RAB28: variants seen among roughly 807,000 people sequenced by gnomAD.
RAB28 encodes the protein RAB28, member RAS oncogene family, also known as ras-related protein Rab-28.
RAB28 carries 24 observed loss-of-function variants against 31.7 expected under a neutral mutation model. That is an observed-to-expected ratio of 0.76 (90% CI 0.55 to 1.06). The LOEUF (loss-of-function observed/expected upper bound fraction) is 1.06. Among genes scored for constraint, RAB28 ranks in the 50% least tolerant of loss-of-function variants. RAB28 has a pLI of 0.00. For synonymous variants in RAB28, 100 were observed against 90.4 expected, an observed-to-expected ratio of 1.11 and a Z score of -0.60; for missense variants, 254 against 258.5, an observed-to-expected ratio of 0.98 and a Z score of 0.12.
At chr4:13,445,378 T>C (rs578184907) in intron 4 of RAB28, among the ~76,000 whole-genome samples, 1 of 152,154 alleles carries the variant, frequency 6.6e-6, no homozygotes, top group East Asian at 1.9e-4. Context: ...AGTTCATCCG[T>C]CTCAGCTTTA....
chr4:13,388,621 C>A (rs1272010490), intron 4 of RAB28, among the ~76,000 whole-genome samples: 1 of 151,984 alleles, frequency 6.6e-6, no homozygotes, highest in African/African-American at 2.4e-5. Context: ...AATCATATAT[C>A]TGACAAAATG....
intron 4 of RAB28, among the ~76,000 whole-genome samples, chr4:13,450,666 G>T (rs141891248): frequency 3.9e-5 from 6 of 151,928 alleles, no homozygotes; most frequent in African/African-American, 9.6e-5. Flanking sequence ...ATGACAATAA[G>T]AATATGCAGA....
At chr4:13,371,473 C>A (rs1728710105) in intron 6 of RAB28, 2 of 985,294 alleles carry the variant, frequency 2.0e-6, no homozygotes, top group Non-Finnish European at 2.4e-6. Context: ...AGATTACTGT[C>A]CTGTGCTCAA....
chr4:13,433,138 G>GAAAAAAAAAAAAAAAAAAAAAAAAAA (rs1159582203), intron 4 of RAB28, among the ~76,000 whole-genome samples: 1 of 69,496 alleles, frequency 1.4e-5, no homozygotes. Context: ...GCAAATGAAA[G>GAAAAAAAAAAAAAAAAAAAAAAAAAA]AAAAAAAAAA....
intron 4 of RAB28, among the ~76,000 whole-genome samples, chr4:13,424,011 G>C (rs2108924475): frequency 6.6e-6 from 1 of 152,166 alleles, no homozygotes; most frequent in Non-Finnish European, 1.5e-5. Flanking sequence ...TATAACAAAT[G>C]CTCTGTCCGT....
intron 4 of RAB28, among the ~76,000 whole-genome samples, chr4:13,399,242 T>C (rs1163428351): frequency 6.6e-6 from 1 of 152,254 alleles, no homozygotes; most frequent in Non-Finnish European, 1.5e-5. Context: ...TTCGTGCGTA[T>C]TGTTTCATCC....
At chr4:13,479,554 A>C in intron 1 of RAB28, 28 bp from the exon 2 acceptor site, 3 of 1,374,718 alleles carry the variant, frequency 2.2e-6, no homozygotes, top group South Asian at 2.4e-5. Context: ...AGAATGTCAA[A>C]ATTAATTCAT....
At chr4:13,390,238 T>C (rs1214062758) in intron 4 of RAB28, among the ~76,000 whole-genome samples, 2 of 151,996 alleles carry the variant, frequency 1.3e-5, no homozygotes, top group South Asian at 2.1e-4. Flanking sequence ...TGTACAAAAA[T>C]CACAAGCATT....
At chr4:13,388,209 A>T (rs1412824060) in intron 4 of RAB28, among the ~76,000 whole-genome samples, 1 of 152,040 alleles carries the variant, frequency 6.6e-6, no homozygotes, top group African/African-American at 2.4e-5. Flanking sequence ...CCCAGAAATA[A>T]ACCTCACATA....
intron 4 of RAB28, among the ~76,000 whole-genome samples, chr4:13,382,554 C>T (rs1729176208): frequency 6.6e-6 from 1 of 151,850 alleles, no homozygotes; most frequent in African/African-American, 2.4e-5. Context: ...TGCACTCATA[C>T]TACATAAAAG....
chr4:13,392,344 C>A (rs573094480), intron 4 of RAB28, among the ~76,000 whole-genome samples: 1 of 152,018 alleles, frequency 6.6e-6, no homozygotes, highest in Non-Finnish European at 1.5e-5. Flanking sequence ...AAGAAAATGT[C>A]CTAACAGTAA....
intron 3 of RAB28, among the ~76,000 whole-genome samples, chr4:13,466,339 C>T (rs1488260167): frequency 5.3e-5 from 8 of 151,718 alleles, no homozygotes; most frequent in Non-Finnish European, 7.4e-5. Flanking sequence ...CCAAAATATA[C>T]GAGGAACTCA....
Position 13,367,962 on chromosome 4 carries a change from A to G in RAB28, c.*596T>C, listed in dbSNP as rs1051215309. 3.1e-6 allele frequency: 3 copies of G among 973,602 alleles called. No homozygotes were observed. The highest frequency in any genetic ancestry group is 3.7e-6 in the Non-Finnish European group (3 of 819,220). 60.3% of individuals were successfully genotyped at this position (973,602 alleles called of 1,614,324 possible). ...AATATCAAATATTACTTTGTGAGTT[A>G]CAAACTACAATATAAACAATTTAGG... is the stretch of plus-strand genomic sequence containing the variant. On this transcript the variant is annotated 3_prime_UTR_variant, in exon 7 of 7. Coordinates refer to ENST00000330852, the MANE Select transcript of RAB28 (RefSeq NM_001017979.3).
At chr4:13,476,659 C>T (rs982964478) in intron 2 of RAB28, among the ~76,000 whole-genome samples, 3 of 151,316 alleles carry the variant, frequency 2.0e-5, no homozygotes, top group Non-Finnish European at 4.4e-5. Context: ...CAGGCATAAA[C>T]ATATGAATTC....
rs190059359 is a variant in RAB28, at chr4:13,458,176, C to T, written c.391+2523G>A. 2.9e-3 allele frequency among the ~76,000 whole-genome samples: 435 copies of T among 152,228 alleles called. 6 individuals carry two copies. The highest frequency in any genetic ancestry group is 6.2e-3 in the East Asian group (32 of 5,184). On this transcript the variant is annotated intron_variant, in intron 4 of 6. Transcript: ENST00000330852. Reference sequence around the variant, plus strand: ...CTAAAGCTTTTAAAAAAGCAAACTACAATTTCTACCCAAGCCATAACATTT... The same window carrying T: ...CTAAAGCTTTTAAAAAAGCAAACTATAATTTCTACCCAAGCCATAACATTT...
intron 4 of RAB28, among the ~76,000 whole-genome samples, chr4:13,453,356 C>G (rs1341128080): frequency 6.6e-6 from 1 of 152,002 alleles, no homozygotes; most frequent in Admixed American, 6.6e-5. Flanking sequence ...TCCTTACTTC[C>G]TTATTGCTTA....
intron 5 of RAB28, among the ~76,000 whole-genome samples, chr4:13,380,201 G>A (rs140146009): frequency 6.6e-6 from 1 of 152,038 alleles, no homozygotes; most frequent in East Asian, 1.9e-4. Context: ...GATTCCAGGA[G>A]GCCAAATTTT....
intron 6 of RAB28, chr4:13,371,063 C>A: frequency 4.1e-6 from 4 of 982,802 alleles, no homozygotes; most frequent in Non-Finnish European, 4.8e-6. Flanking sequence ...GATAGAAAAG[C>A]ATCTTAATAT....
chr4:13,376,075 GT>G (rs1003312417), intron 6 of RAB28, among the ~76,000 whole-genome samples: 1 of 151,954 alleles, frequency 6.6e-6, no homozygotes, highest in African/African-American at 2.4e-5. Flanking sequence ...CGCTATGCAT[GT>G]TTTTTTCTTA....
Sources: gnomAD v4.1 joint callset for allele counts (sites outside exome capture counted in the v4.1 genomes callset) on GRCh38, gnomAD v4.1.1 for gene constraint, MANE v1.5 for transcripts, NCBI Gene and HGNC (gene_info 2026-07-23, HGNC 2026-07-21) for gene names.